Variants in GRM8 observed in about 807,000 individuals in gnomAD.
GRM8 encodes the protein metabotropic glutamate receptor 8.
GRM8 carries 47 observed loss-of-function variants against 87.2 expected under a neutral mutation model. That is an observed-to-expected ratio of 0.54 (90% confidence interval 0.43 to 0.69). GRM8 has a LOEUF of 0.69. Among genes scored for constraint, GRM8 ranks in the 30% least tolerant of loss-of-function variants. GRM8 has a pLI of 0.00. For synonymous variants in GRM8, 396 were observed against 404.5 expected, an observed-to-expected ratio of 0.98 and a Z score of 0.25; for missense variants, 1,019 against 1,139.2, an observed-to-expected ratio of 0.89 and a Z score of 1.52.
At chr7:127,041,280 G>A (rs1481918215) in intron 3 of GRM8, among the ~76,000 whole-genome samples, 2 of 152,202 alleles carry the variant, frequency 1.3e-5, no homozygotes, top group African/African-American at 4.8e-5. Context: ...GGAGAGAGGA[G>A]GCTGAGGTGT....
At chr7:127,149,596 A>G (rs547358945) in intron 2 of GRM8, among the ~76,000 whole-genome samples, 2 of 152,270 alleles carry the variant, frequency 1.3e-5, no homozygotes, top group South Asian at 2.1e-4. Flanking sequence ...ACCACTTTGT[A>G]AAGACATCTG....
chr7:126,547,889 A>G (rs1817330201), intron 8 of GRM8, among the ~76,000 whole-genome samples: 1 of 138,350 alleles, frequency 7.2e-6, no homozygotes, highest in Non-Finnish European at 1.6e-5. Flanking sequence ...GAACGAAAGA[A>G]ACAAAATGAA....
chr7:126,822,440 CTTCCTTCCTTCCT>C (rs1163497887), intron 6 of GRM8, among the ~76,000 whole-genome samples: 1 of 151,418 alleles, frequency 6.6e-6, no homozygotes. Flanking sequence ...CACTCAGGCC[CTTCCTTCCTTCCT>C]TTCCTTCCTT....
chr7:126,487,563 C>G (rs1807519038), intron 9 of GRM8, among the ~76,000 whole-genome samples: 1 of 151,904 alleles, frequency 6.6e-6, no homozygotes, highest in African/African-American at 2.4e-5. Context: ...TGACCTTTCC[C>G]TATACTATTA....
chr7:126,966,624 G>A (rs1402629622), intron 3 of GRM8, among the ~76,000 whole-genome samples: 2 of 152,160 alleles, frequency 1.3e-5, no homozygotes, highest in Non-Finnish European at 2.9e-5. Context: ...GATTTAGGGA[G>A]TAGACATGTT....
At chr7:126,912,226 CAAACAAAT>C (rs1001840292) in intron 3 of GRM8, among the ~76,000 whole-genome samples, 6 of 151,058 alleles carry the variant, frequency 4.0e-5, no homozygotes, top group Admixed American at 2.6e-4. Flanking sequence ...AACAAACAAA[CAAACAAAT>C]AGAGAAAAGA....
chr7:126,721,518 C>A (rs1812392178), intron 7 of GRM8, among the ~76,000 whole-genome samples: 2 of 152,006 alleles, frequency 1.3e-5, no homozygotes, highest in South Asian at 4.1e-4. Context: ...TGTGAAATTT[C>A]TTTGAAATCT....
intron 9 of GRM8, among the ~76,000 whole-genome samples, chr7:126,504,178 C>G (rs1810069629): frequency 6.6e-6 from 1 of 151,998 alleles, no homozygotes; most frequent in Non-Finnish European, 1.5e-5. Context: ...GATTTACAGA[C>G]ACTCTATTTT....
At chr7:127,076,403 T>C (rs904363017) in intron 3 of GRM8, among the ~76,000 whole-genome samples, 13 of 152,130 alleles carry the variant, frequency 8.5e-5, no homozygotes, top group Non-Finnish European at 1.6e-4. Context: ...TTATCAGCAA[T>C]GAATAGTTAC....
intron 2 of GRM8, among the ~76,000 whole-genome samples, chr7:127,136,296 C>A (rs1032632562): frequency 2.6e-5 from 4 of 152,046 alleles, no homozygotes. Flanking sequence ...CAATACACTG[C>A]GAATAGTCTA....
chr7:127,130,751 C>G (rs987767629), intron 2 of GRM8, among the ~76,000 whole-genome samples: 3 of 152,066 alleles, frequency 2.0e-5, no homozygotes, highest in Non-Finnish European at 4.4e-5. Flanking sequence ...AGGGAGGGAC[C>G]TGGTGGAAGG....
chr7:126,772,372 T>C (rs906294386), intron 6 of GRM8, among the ~76,000 whole-genome samples: 3 of 152,134 alleles, frequency 2.0e-5, no homozygotes, highest in African/African-American at 7.2e-5. Flanking sequence ...TCGCTGAACT[T>C]GATAACGGAA....
chr7:127,247,648 G>A (rs187009239), intron 1 of GRM8, among the ~76,000 whole-genome samples: 17 of 152,170 alleles, frequency 1.1e-4, no homozygotes, highest in East Asian at 5.8e-4. Context: ...GCTTGGAATC[G>A]GATCTTTGTC....
At chr7:126,587,079 C>T (rs1796211410) in intron 8 of GRM8, among the ~76,000 whole-genome samples, 1 of 152,168 alleles carries the variant, frequency 6.6e-6, no homozygotes, top group Non-Finnish European at 1.5e-5. Context: ...GGAAAAAATG[C>T]TCATCATCAC....
intron 3 of GRM8, among the ~76,000 whole-genome samples, chr7:127,093,682 T>C (rs1225765384): frequency 2.0e-5 from 3 of 152,260 alleles, no homozygotes; most frequent in Non-Finnish European, 4.4e-5. Flanking sequence ...TTGAAATTCC[T>C]TTCCCAACCA....
intron 7 of GRM8, among the ~76,000 whole-genome samples, chr7:126,740,536 T>C (rs1355201590): frequency 1.3e-5 from 2 of 152,288 alleles, no homozygotes; most frequent in South Asian, 2.1e-4. Context: ...CAGGGAAATC[T>C]GTGCTGATAA....
chr7:126,741,831 A>G (rs1244373298), intron 7 of GRM8, among the ~76,000 whole-genome samples: 1 of 152,128 alleles, frequency 6.6e-6, no homozygotes, highest in African/African-American at 2.4e-5. Context: ...GCAAATCCCA[A>G]TGCTGTCACC....
intron 6 of GRM8, among the ~76,000 whole-genome samples, chr7:126,894,427 G>A (rs1006286074): frequency 6.6e-6 from 1 of 151,990 alleles, no homozygotes; most frequent in Admixed American, 6.6e-5. Context: ...GATAATGCCA[G>A]CTTCTGTTGT....
chr7:127,079,782 T>C (rs1822656415), intron 3 of GRM8, among the ~76,000 whole-genome samples: 1 of 152,206 alleles, frequency 6.6e-6, no homozygotes, highest in Non-Finnish European at 1.5e-5. Context: ...GTTTAGTTAG[T>C]TATACCCAGT....
Sources: gnomAD v4.1 joint callset for allele counts (sites outside exome capture counted in the v4.1 genomes callset) on GRCh38, gnomAD v4.1.1 for gene constraint, MANE v1.5 for transcripts, NCBI Gene and HGNC (gene_info 2026-07-23, HGNC 2026-07-21) for gene names.